PSMB2: variants seen among roughly 807,000 people sequenced by gnomAD.
The protein encoded by PSMB2 is proteasome subunit beta type-2.
A neutral mutation model predicts 25.7 loss-of-function variants in PSMB2; 13 were observed. That is an observed-to-expected ratio of 0.51 (90% CI 0.33 to 0.80). The LOEUF (loss-of-function observed/expected upper bound fraction) is 0.80, where lower values mean the gene tolerates loss of function less well. Among genes scored for constraint, PSMB2 ranks in the 30% least tolerant of loss-of-function variants. The pLI is 0.02. For synonymous variants in PSMB2, 87 were observed against 96.2 expected (o/e 0.90, Z 0.56); for missense variants, 202 against 259.0 (o/e 0.78, Z 1.51).
intron 4 of PSMB2, among the ~76,000 whole-genome samples, chr1:35,608,256 T>C (rs773525623): frequency 3.9e-5 from 6 of 151,944 alleles, no homozygotes; most frequent in Non-Finnish European, 8.8e-5. Context: ...TCCCATCTAC[T>C]TGGGAGGCTG....
At chr1:35,635,599 G>C (rs1651223261) in intron 2 of PSMB2, among the ~76,000 whole-genome samples, 1 of 152,080 alleles carries the variant, frequency 6.6e-6, no homozygotes, top group Non-Finnish European at 1.5e-5. Context: ...GGGAGGCCGA[G>C]GTGGGCAGAT....
chr1:35,624,163 C>A (rs1459087262), intron 3 of PSMB2, among the ~76,000 whole-genome samples: 1 of 152,164 alleles, frequency 6.6e-6, no homozygotes, highest in Middle Eastern at 3.4e-3. Context: ...CTTTCCCATT[C>A]CCTAAAAAAA....
Position 35,602,856 on chromosome 1 carries a change from G to C in PSMB2, c.*411C>G. On this transcript the variant is annotated 3_prime_UTR_variant, in exon 6 of 6. Transcript: ENST00000373237. ...TGTTTGCATGTTACATTAAGTGCAT[G>C]TATTATTAATTCAGGTTAATTAATT... The C allele has an allele frequency of 1.1e-6, 1 of 873,454 alleles. No homozygotes were observed. Among genetic ancestry groups the C allele is most frequent in the Middle Eastern group, 5.9e-4 (1 of 1,690 alleles). The allele number at this position is 873,454 out of a possible 1,614,324, so 54.1% of individuals were successfully genotyped here.
chr1:35,630,559 T>C (rs1002905451), intron 3 of PSMB2, among the ~76,000 whole-genome samples: 1 of 152,214 alleles, frequency 6.6e-6, no homozygotes, highest in Non-Finnish European at 1.5e-5. Flanking sequence ...ACCTTAAACG[T>C]GTATTACCAA....
At chr1:35,609,643 T>C (rs1650274392) in intron 3 of PSMB2, among the ~76,000 whole-genome samples, 1 of 152,202 alleles carries the variant, frequency 6.6e-6, no homozygotes, top group Admixed American at 6.5e-5. Flanking sequence ...CTTTAAGGTA[T>C]ATGAAAAAGC....
Position 35,605,215 on chromosome 1 carries a change from C to G in PSMB2, c.498+18G>C, listed in dbSNP as rs188482304. On this transcript the variant is annotated intron_variant, in intron 5 of 5. Coordinates refer to ENST00000373237, the MANE Select transcript of PSMB2 (RefSeq NM_002794.5). ...GAGAGACAAACATTCCTTTCAGGAT[C>G]CTATGGGAACTACTCACCTCCTCCA... 1 of 1,598,492 alleles carries G rather than the reference C, an allele frequency of 6.3e-7. No homozygotes were observed. Among genetic ancestry groups the G allele is most frequent in the African/African-American group, 1.3e-5 (1 of 74,360 alleles).
At chr1:35,628,274 GAGA>G (rs967172805) in intron 3 of PSMB2, among the ~76,000 whole-genome samples, 75 of 152,128 alleles carry the variant, frequency 4.9e-4, no homozygotes, top group African/African-American at 1.6e-3. Flanking sequence ...TTTCTGCTAG[GAGA>G]AGATTAAACC....
intron 3 of PSMB2, among the ~76,000 whole-genome samples, chr1:35,622,750 G>T (rs1405953207): frequency 6.6e-6 from 1 of 151,368 alleles, no homozygotes; most frequent in Non-Finnish European, 1.5e-5. Context: ...GGGAAGGGGA[G>T]GGGGAGGACT....
In PSMB2 at chr1:35,631,313, G is replaced by A. The variant is rs752754425; in HGVS notation, c.246C>T (p.Asn82=). 26 of 1,614,092 alleles carry A rather than the reference G, an allele frequency of 1.6e-5. No homozygotes were observed. Among genetic ancestry groups the A allele is most frequent in the Non-Finnish European group, 2.1e-5 (25 of 1,180,034 alleles). ...GYELSPTAAA[N]FTRRNLADCL... is the part of the protein sequence containing the mutation. ...AGTCAGCCAGGTTTCGGCGTGTGAA[G>A]TTAGCTGCTGCCGTGGGAGACAATT... Residue 82 remains asparagine (N), a synonymous_variant, in exon 3 of 6, where the codon AAC becomes AAT. Coordinates refer to ENST00000373237, the MANE Select transcript of PSMB2 (RefSeq NM_002794.5).
At chr1:35,640,099 A>C (rs1353761095) in intron 1 of PSMB2, among the ~76,000 whole-genome samples, 4 of 151,880 alleles carry the variant, frequency 2.6e-5, no homozygotes, top group African/African-American at 7.3e-5. Flanking sequence ...ACTATACTAT[A>C]CTATCTATAC....
intron 3 of PSMB2, among the ~76,000 whole-genome samples, chr1:35,630,489 T>C (rs1374330312): frequency 1.3e-5 from 2 of 152,128 alleles, no homozygotes; most frequent in Admixed American, 6.6e-5. Flanking sequence ...ATCTAGACAA[T>C]GGAGTATTTT....
At chr1:35,637,806 C>T (rs1239092948) in intron 1 of PSMB2, among the ~76,000 whole-genome samples, 1 of 152,060 alleles carries the variant, frequency 6.6e-6, no homozygotes, top group Non-Finnish European at 1.5e-5. Context: ...GTTATGCAGG[C>T]TAGATTTAAA....
intron 2 of PSMB2, among the ~76,000 whole-genome samples, chr1:35,633,376 C>G (rs556086209): frequency 6.6e-6 from 1 of 152,246 alleles, no homozygotes; most frequent in East Asian, 1.9e-4. Context: ...CTCTTTCTTT[C>G]CCTTATTTTA....
chr1:35,609,410 TG>T lies in PSMB2; in HGVS notation c.286-3del. 1 of 1,510,640 alleles carries T rather than the reference TG, an allele frequency of 6.6e-7. No homozygotes were observed. Among genetic ancestry groups the T allele is most frequent in the Non-Finnish European group, 8.9e-7 (1 of 1,122,598 alleles). 93.6% of individuals were successfully genotyped at this position (1,510,640 alleles called of 1,614,324 possible). Reference sequence around the variant, plus strand: ...GAGGAGGTTCACATGATATGGGGTCTGCAAAGAAAAGATATGGCAAAGTGAT... The same window carrying T: ...GAGGAGGTTCACATGATATGGGGTCTCAAAGAAAAGATATGGCAAAGTGAT... On this transcript the variant is annotated splice_region_variant and splice_polypyrimidine_tract_variant and intron_variant, in intron 3 of 5. Transcript: ENST00000373237.
rs142068503 is a variant in PSMB2, at chr1:35,609,295, G to A, written c.399C>T (p.Gly133=). 10 of 1,613,266 alleles carry A rather than the reference G, an allele frequency of 6.2e-6. No homozygotes were observed. The highest frequency in any genetic ancestry group is 8.5e-6 in the Non-Finnish European group (10 of 1,179,660). The change falls in exon 4 of 6, where the codon GGC becomes GGT. Residue 133 remains glycine, a synonymous_variant. Transcript: ENST00000373237. ...ALAKAPFAAH[G]YGAFLTLSIL... is the part of the protein sequence containing the mutation. ...TACTGAGAGTCAGGAAGGCACCATA[G>A]CCGTGGGCTGCAAAAGGGGCCTTGG... is the stretch of plus-strand genomic sequence containing the variant.
At chr1:35,609,203 C>A in intron 4 of PSMB2, 43 bp downstream of exon 4, 1 of 1,465,964 alleles carries the variant, frequency 6.8e-7, no homozygotes. Context: ...CAGCTGAGGG[C>A]AGGGCTCTGC....
In PSMB2 at chr1:35,602,021, A is replaced by C. The variant is rs902953467; in HGVS notation, c.*1246T>G. ...CTCTAATATAGTGTTAAGTGAAATAAGCAATATGCAGAACTTAAAAATACT... is the reference window on the plus strand; with the variant it reads ...CTCTAATATAGTGTTAAGTGAAATACGCAATATGCAGAACTTAAAAATACT... On this transcript the variant is annotated 3_prime_UTR_variant, in exon 6 of 6. Transcript: ENST00000373237. 2 of 751,374 alleles carry C rather than the reference A, an allele frequency of 2.7e-6. No individual in the cohort carries two copies. The highest frequency in any genetic ancestry group is 6.8e-4 in the Middle Eastern group (1 of 1,480). The allele number at this position is 751,374 out of a possible 1,614,324, so 46.5% of individuals were successfully genotyped here. A position where few individuals can be genotyped will look rare whatever the true frequency, so the allele number is the denominator to read the frequency against.
rs1132065 is a variant in PSMB2 at position 35,602,183 on chromosome 1, T to C, written c.*1084A>G. 1 of 152,824 alleles carries C rather than the reference T, an allele frequency of 6.5e-6. No individual in the cohort carries two copies. Among genetic ancestry groups the C allele is most frequent in the African/African-American group, 2.4e-5 (1 of 41,430 alleles). The allele number at this position is 152,824 out of a possible 1,614,324, so 9.5% of individuals were successfully genotyped here. On this transcript the variant is annotated 3_prime_UTR_variant, in exon 6 of 6. Coordinates refer to ENST00000373237, the MANE Select transcript of PSMB2 (RefSeq NM_002794.5). ...CTGTCTCTATGAAAAACACAAAAAC[T>C]AGCTGGGCATTGGTGGTGTGCGCCT...
At chr1:35,633,103 C>T (rs2148577328) in intron 2 of PSMB2, among the ~76,000 whole-genome samples, 1 of 152,014 alleles carries the variant, frequency 6.6e-6, no homozygotes, top group Admixed American at 6.6e-5. Context: ...TGCCTATAAT[C>T]CCAACTACTC....
Sources: allele counts gnomAD v4.1 joint callset (sites outside exome capture counted in the v4.1 genomes callset), GRCh38; gene constraint gnomAD v4.1.1; transcripts MANE v1.5; gene names NCBI Gene and HGNC (gene_info 2026-07-23, HGNC 2026-07-21).